OTULIN: variants seen among roughly 807,000 people sequenced by gnomAD.
OTULIN encodes ubiquitin thioesterase otulin.
In OTULIN, 15 loss-of-function variants were observed where a neutral mutation model predicts 39.6. The ratio of observed to expected loss-of-function variants is 0.38; its 90% CI spans 0.25 to 0.58. OTULIN has a LOEUF of 0.58. Ranked by LOEUF, OTULIN falls within the 20% of genes least tolerant of loss-of-function variation. The probability of loss-of-function intolerance (pLI) is 0.66; values close to 1 mark genes in which losing one functional copy is unlikely to be tolerated. For missense variants in OTULIN, 319 were observed against 445.9 expected, an observed-to-expected ratio of 0.72 and a Z score of 2.56; for synonymous variants, 156 against 170.3, an observed-to-expected ratio of 0.92 and a Z score of 0.65.
At chr5:14,668,645 A>G (rs956817591) in intron 1 of OTULIN, among the ~76,000 whole-genome samples, 4 of 152,206 alleles carry the variant, frequency 2.6e-5, no homozygotes, top group Non-Finnish European at 5.9e-5. Context: ...TCAAGTCCAG[A>G]GAGTTGAATT....
chr5:14,713,440 T>G, the OTULIN span: 1 of 1,489,484 alleles, frequency 6.7e-7, no homozygotes. The surrounding 1 kb of genome is among the most constrained non-coding windows in gnomAD (Gnocchi z 4.4). Flanking sequence ...TTTCCGATTC[T>G]AGACGTGCCT....
At chr5:14,715,102 C>T in the OTULIN span, among the ~76,000 whole-genome samples, 31 of 152,240 alleles carry the variant, frequency 2.0e-4, no homozygotes, top group Non-Finnish European at 2.8e-4. Context: ...TCCATCAGCC[C>T]TGGCCTACCT....
intron 2 of OTULIN, 124 bp from the exon 3 acceptor site, chr5:14,678,557 G>A: frequency 1.4e-6 from 1 of 690,090 alleles, no homozygotes; most frequent in Non-Finnish European, 2.4e-6. Context: ...GGCAGTGGTT[G>A]AATTCTGGAT....
chr5:14,712,987 C>A, the OTULIN span: 1 of 1,608,964 alleles, frequency 6.2e-7, no homozygotes, highest in South Asian at 1.1e-5. Flanking sequence ...CAGATGAGAA[C>A]ACAAAGGCAA....
At chr5:14,712,819 C>G in the OTULIN span, 6 of 1,524,780 alleles carry the variant, frequency 3.9e-6, no homozygotes, top group Non-Finnish European at 4.5e-6. Context: ...TGCTCAGGTT[C>G]TCCTGCACCC....
rs963404609 is a variant in OTULIN at position 14,699,147 on chromosome 5, G to A, written c.*6099G>A. ...TGGTGTGTGCGAGACATTTCTTTAT[G>A]AACCATTTACACTGCTGGAAATGTA... On this transcript the variant is annotated 3_prime_UTR_variant, in exon 7 of 7. Transcript: ENST00000284274. 6.6e-6 allele frequency: 1 copy of A among 152,222 alleles called. No homozygotes were observed. Among genetic ancestry groups the A allele is most frequent in the African/African-American group, 2.4e-5 (1 of 41,452 alleles). The allele number at this position is 152,222 out of a possible 1,614,324, so 9.4% of individuals were successfully genotyped here.
Position 14,690,679 on chromosome 5 carries a change from A to G in OTULIN, c.864+371A>G, listed in dbSNP as rs1414685555. On this transcript the variant is annotated intron_variant, in intron 6 of 6. Transcript: ENST00000284274. This position sits in a 1 kb window ranked among gnomAD's most constrained non-coding sequence, Gnocchi z 4.5. ...AGCAGTGAGCAAGAAAGAAGCCAAA[A>G]TGCCTTTTATGACCTAATCTAGGAT... is the stretch of plus-strand genomic sequence containing the variant. 1.3e-5 allele frequency among the ~76,000 whole-genome samples: 2 copies of G among 152,176 alleles called. No individual in the cohort carries two copies. Among genetic ancestry groups the G allele is most frequent in the East Asian group, 1.9e-4 (1 of 5,202 alleles).
intron 1 of OTULIN, among the ~76,000 whole-genome samples, chr5:14,673,379 T>A (rs537052145): frequency 6.6e-6 from 1 of 152,350 alleles, no homozygotes; most frequent in Non-Finnish European, 1.5e-5. Flanking sequence ...ACAATTAAAA[T>A]GCCTTCAGAG....
chr5:14,671,666 A>G (rs1735980476), intron 1 of OTULIN, among the ~76,000 whole-genome samples: 2 of 152,154 alleles, frequency 1.3e-5, no homozygotes, highest in South Asian at 4.1e-4. Context: ...TTTACTTGAA[A>G]TCTCACTGGA....
In OTULIN at chr5:14,667,445, T is replaced by C. The variant is rs1735878536; in HGVS notation, c.152+2468T>C. 2.0e-5 allele frequency among the ~76,000 whole-genome samples: 3 copies of C among 152,224 alleles called. No individual in the cohort carries two copies. In the South Asian group the frequency reaches 6.2e-4, roughly 32 times the overall value. ...TTTGGAGTGCAGTGACAATCATGGC[T>C]CACTGTAGCCTCAACCTTCTGGGCT... On this transcript the variant is annotated intron_variant, in intron 1 of 6. Coordinates refer to ENST00000284274, the MANE Select transcript of OTULIN (RefSeq NM_138348.6).
In OTULIN at chr5:14,664,853, G is replaced by C; in HGVS notation, c.28G>C (p.Glu10Gln). 4 of 1,212,896 alleles carry C rather than the reference G, an allele frequency of 3.3e-6. No individual in the cohort carries two copies. The highest frequency in any genetic ancestry group is 4.1e-6 in the Non-Finnish European group (4 of 975,010). The allele number at this position is 1,212,896 out of a possible 1,614,324, so 75.1% of individuals were successfully genotyped here. A position where few individuals can be genotyped will look rare whatever the true frequency, so the allele number is the denominator to read the frequency against. MSRGTMPQP[E>Q]AWPGASCAET... is the part of the protein sequence containing the mutation. ...GAGTCGGGGGACTATGCCCCAGCCC[G>C]AAGCGTGGCCAGGCGCGAGCTGCGC... Residue 10 changes from glutamate to glutamine, a missense_variant, in exon 1 of 7, where the codon GAA becomes CAA. Physicochemically the swap from Glu to Gln is conservative, Grantham distance 29. Transcript: ENST00000284274.
the OTULIN span, among the ~76,000 whole-genome samples, chr5:14,714,045 G>T: frequency 1.3e-5 from 2 of 152,276 alleles, no homozygotes; most frequent in Non-Finnish European, 2.9e-5. Context: ...GCACTCTAGT[G>T]TGATGCTGCG....
intron 4 of OTULIN, among the ~76,000 whole-genome samples, chr5:14,683,587 G>C (rs1000558133): frequency 6.6e-6 from 1 of 152,102 alleles, no homozygotes; most frequent in Non-Finnish European, 1.5e-5. Flanking sequence ...GATTTTGGTG[G>C]TGTATACCTA....
chr5:14,711,870 C>T, the OTULIN span, among the ~76,000 whole-genome samples: 2 of 151,810 alleles, frequency 1.3e-5, no homozygotes, highest in African/African-American at 4.8e-5. Context: ...CCCACCTCAG[C>T]CACTGCTGGG....
At chr5:14,684,609 G>T (rs1272782139) in intron 4 of OTULIN, among the ~76,000 whole-genome samples, 1 of 152,176 alleles carries the variant, frequency 6.6e-6, no homozygotes, top group East Asian at 1.9e-4. Context: ...GCTTTGTTGA[G>T]TGAGCGTTTC....
intron 4 of OTULIN, among the ~76,000 whole-genome samples, chr5:14,682,034 C>T (rs1199449039): frequency 1.3e-5 from 2 of 152,188 alleles, no homozygotes; most frequent in African/African-American, 4.8e-5. Context: ...GGTGGCAGAA[C>T]AGGAACACTA....
intron 1 of OTULIN, among the ~76,000 whole-genome samples, chr5:14,665,276 G>A (rs1185795474): frequency 6.6e-6 from 1 of 152,208 alleles, no homozygotes; most frequent in Non-Finnish European, 1.5e-5. Flanking sequence ...CCCGAGAAGT[G>A]ATGTATTTTA....
At chr5:14,665,201 CTCG>C (rs976042555) in intron 1 of OTULIN, among the ~76,000 whole-genome samples, 4 of 152,252 alleles carry the variant, frequency 2.6e-5, no homozygotes, top group African/African-American at 9.6e-5. Context: ...TGACTCCCCT[CTCG>C]TCTCATTTTT....
At chr5:14,701,697 C>T (rs1371366016), downstream of OTULIN, among the ~76,000 whole-genome samples, 1 of 152,128 alleles carries the variant, frequency 6.6e-6, no homozygotes, top group Non-Finnish European at 1.5e-5. Context: ...AGAAGGAGGC[C>T]GGGTGCCATC....
Sources: gnomAD v4.1 joint callset for allele counts (sites outside exome capture counted in the v4.1 genomes callset) on GRCh38, gnomAD v4.1.1 for gene constraint, Gnocchi (gnomAD v3.1) non-coding constraint, MANE v1.5 for transcripts, NCBI Gene and HGNC (gene_info 2026-07-23, HGNC 2026-07-21) for gene names.